CLCN2: variants seen among roughly 807,000 people sequenced by gnomAD.
CLCN2 encodes chloride channel protein 2.
CLCN2 carries 72 observed loss-of-function variants against 108.3 expected under a neutral mutation model. The ratio of observed to expected loss-of-function variants is 0.66; its 90% CI spans 0.55 to 0.81. The LOEUF (loss-of-function observed/expected upper bound fraction) is 0.81. CLCN2 is among the 30% of genes least tolerant of loss of function. The pLI, the probability that CLCN2 is intolerant of heterozygous loss-of-function variation, is 0.00. For missense variants in CLCN2, 1,048 were observed against 1,205.2 expected, an observed-to-expected ratio of 0.87 and a Z score of 1.93; for synonymous variants, 471 against 467.1, an observed-to-expected ratio of 1.01 and a Z score of -0.11.
In CLCN2 at chr3:184,361,585, G is replaced by T; in HGVS notation, c.-106C>A. 1 of 1,271,658 alleles carries T rather than the reference G, an allele frequency of 7.9e-7. No homozygotes were observed. The highest frequency in any genetic ancestry group is 2.0e-5 in the Admixed American group (1 of 49,646). The allele number at this position is 1,271,658 out of a possible 1,614,324, so 78.8% of individuals were successfully genotyped here. A position where few individuals can be genotyped will look rare whatever the true frequency, so the allele number is the denominator to read the frequency against. ...GGCAGCCGTCCCGTCCCCGCAGCCCGGGAGGCCGAGAGCAGAGTGCGGCGG... is the reference window on the plus strand; with the variant it reads ...GGCAGCCGTCCCGTCCCCGCAGCCCTGGAGGCCGAGAGCAGAGTGCGGCGG... On this transcript the variant is annotated 5_prime_UTR_variant, in exon 1 of 24. Transcript: ENST00000265593. This position sits in a 1 kb window ranked among gnomAD's most constrained non-coding sequence, Gnocchi z 6.6.
At chr3:184,358,604 T>C in intron 3 of CLCN2, 78 bp downstream of exon 3, 1 of 1,534,962 alleles carries the variant, frequency 6.5e-7, no homozygotes, top group Non-Finnish European at 8.8e-7. Flanking sequence ...CAAGACGCCT[T>C]CCTCCATGTC....
chr3:184,353,957 G>T, intron 15 of CLCN2, 144 bp downstream of exon 15: 1 of 1,338,752 alleles, frequency 7.5e-7, no homozygotes, highest in African/African-American at 1.5e-5. Context: ...GCAGGGGCCA[G>T]CTACAGCCCC....
chr3:184,359,004 T>C lies in CLCN2; in HGVS notation c.191A>G (p.Tyr64Cys). The C allele has an allele frequency of 2.5e-6, 4 of 1,613,580 alleles. No homozygotes were observed. The highest frequency in any genetic ancestry group is 3.4e-6 in the Non-Finnish European group (4 of 1,180,024). The change falls in exon 2 of 24, where the codon TAT becomes TGT. Residue 64 changes from tyrosine to cysteine, a missense_variant. Tyr to Cys is a radical substitution (Grantham distance 194). Transcript: ENST00000265593. ...SSRAAPELLE[Y>C]GRSRCARCRV... ...GCATCGGGCGCAACGGCTCCGTCCA[T>C]ATTCCAAGAGCTCTGGGGCAGCCCG...
chr3:184,355,787 G>A lies in CLCN2; in HGVS notation c.1086-9C>T, dbSNP rs761053381. The A allele has an allele frequency of 3.7e-6, 6 of 1,613,448 alleles. No homozygotes were observed. The highest frequency in any genetic ancestry group is 2.2e-5 in the East Asian group (1 of 44,892). ...CCGGGAAGAGCAGGCGTCTAGAGTC[G>A]TAGGTTTCACATCAGTCGTGGGTGG... On this transcript the variant is annotated splice_polypyrimidine_tract_variant and intron_variant, in intron 10 of 23. Transcript: ENST00000265593. This position sits in a 1 kb window ranked among gnomAD's most constrained non-coding sequence, Gnocchi z 6.3.
intron 1 of CLCN2, among the ~76,000 whole-genome samples, chr3:184,360,233 G>C (rs1463592923): frequency 6.6e-6 from 1 of 151,772 alleles, no homozygotes; most frequent in Non-Finnish European, 1.5e-5. Context: ...AAAGACAAAG[G>C]GATAGGATGG....
Position 184,357,847 on chromosome 3 carries a change from C to T in CLCN2, c.625G>A (p.Val209Met), listed in dbSNP as rs1231932098. Reference protein sequence around the residue: ...GMPLGKEGPFVHIASMCAALL... With the variant: ...GMPLGKEGPFMHIASMCAALL... ...GCAGCACACATGCTTGCGATATGCACAAAAGGGCCCTGCGGGGTGGGGCAG... is the reference window on the plus strand; with the variant it reads ...GCAGCACACATGCTTGCGATATGCATAAAAGGGCCCTGCGGGGTGGGGCAG... The change falls in exon 6 of 24, where the codon GTG becomes ATG. Residue 209 changes from valine (V) to methionine (M), a missense_variant. Val to Met is a conservative substitution (Grantham distance 21). Transcript: ENST00000265593. 2.5e-6 allele frequency: 4 copies of T among 1,613,848 alleles called. No individual in the cohort carries two copies. Among genetic ancestry groups the T allele is most frequent in the East Asian group, 2.2e-5 (1 of 44,890 alleles).
intron 10 of CLCN2, chr3:184,356,544 C>T (rs568408182): frequency 5.7e-6 from 1 of 174,674 alleles, no homozygotes; most frequent in South Asian, 1.2e-4. Flanking sequence ...GAGGCTGAGG[C>T]AGGAGAATCG....
At chr3:184,349,022 A>AC (rs1374790462) in intron 22 of CLCN2, 2 of 151,838 alleles carry the variant, frequency 1.3e-5, no homozygotes, top group Non-Finnish European at 2.9e-5. Flanking sequence ...GGCCCATGAG[A>AC]CCCTTCCCAA....
Position 184,352,434 on chromosome 3 carries a change from C to T in CLCN2, c.2271+9G>A. ...GCCGCCGAGATGCTAGAAGAGCAGG[C>T]ATACTTACTGCCAGGGAGATTCGGA... On this transcript the variant is annotated intron_variant, in intron 20 of 23. Transcript: ENST00000265593. The T allele has an allele frequency of 6.2e-7, 1 of 1,613,218 alleles. No homozygotes were observed. Among genetic ancestry groups the T allele is most frequent in the East Asian group, 2.2e-5 (1 of 44,854 alleles).
At chr3:184,350,334 G>A (rs1472233100) in intron 22 of CLCN2, among the ~76,000 whole-genome samples, 7 of 152,114 alleles carry the variant, frequency 4.6e-5, no homozygotes, top group African/African-American at 1.4e-4. Flanking sequence ...ACTCAGGCAC[G>A]TGACCTCCTC....
chr3:184,354,117 C>T lies in CLCN2; in HGVS notation c.1705G>A (p.Gly569Ser), dbSNP rs199889662. ...CCTCCGTACTGGTGGCGGCCCCAGC[C>T]GAGCTCAGGCAGGTAGGGCAGTTTC... is the stretch of plus-strand genomic sequence containing the variant. ...IKKLPYLPEL[G>S]WGRHQQYRVR... The change falls in exon 15 of 24, where the codon GGC becomes AGC. Residue 569 changes from glycine (G) to serine (S), a missense_variant. Physicochemically the swap from Gly to Ser is moderately conservative, Grantham distance 56. Transcript: ENST00000265593. The T allele has an allele frequency of 1.8e-5, 29 of 1,612,026 alleles. 1 individual carries two copies. In the East Asian group the frequency reaches 3.8e-4, roughly 21 times the overall value.
At chr3:184,348,522 T>C (rs1727864780) in intron 22 of CLCN2, 1 of 151,962 alleles carries the variant, frequency 6.6e-6, no homozygotes, top group South Asian at 2.1e-4. Context: ...TCTTCTGTGT[T>C]TCTTGAATAC....
In CLCN2 at chr3:184,355,577, G is replaced by C. The variant is rs1728487590; in HGVS notation, c.1171-48C>G. The C allele has an allele frequency of 6.2e-7, 1 of 1,612,406 alleles. No homozygotes were observed. The highest frequency in any genetic ancestry group is 8.5e-7 in the Non-Finnish European group (1 of 1,178,492). On this transcript the variant is annotated intron_variant, in intron 11 of 23. Transcript: ENST00000265593. The surrounding 1 kb of genome is among the most constrained non-coding windows in gnomAD (Gnocchi z 6.3). ...GGCTGGGAAACCGACAGGATGAAGG[G>C]AAGAGGCCATGGGATCCCACGGGGA...
At chr3:184,351,210 T>C (rs1728065426) in intron 22 of CLCN2, among the ~76,000 whole-genome samples, 1 of 152,170 alleles carries the variant, frequency 6.6e-6, no homozygotes, top group Admixed American at 6.5e-5. Context: ...ATCTACCTGC[T>C]GCTTATCCCC....
At chr3:184,360,032 A>C (rs1042306239) in intron 1 of CLCN2, among the ~76,000 whole-genome samples, 1 of 151,450 alleles carries the variant, frequency 6.6e-6, no homozygotes, top group African/African-American at 2.4e-5. Flanking sequence ...AGAGGGTGAG[A>C]GATAGGAAAG....
At chr3:184,359,549 C>G (rs942261533) in intron 1 of CLCN2, among the ~76,000 whole-genome samples, 1 of 152,142 alleles carries the variant, frequency 6.6e-6, no homozygotes, top group Admixed American at 6.5e-5. Flanking sequence ...TCGTGGAGCT[C>G]GGGGCAGCTG....
rs1728465394 is a variant in CLCN2, at chr3:184,355,340, G to C, written c.1326+34C>G. The C allele has an allele frequency of 3.7e-6, 6 of 1,612,194 alleles. No individual in the cohort carries two copies. The Admixed American group carries it at 5.0e-5, about 13-fold the overall frequency. ...GCAGGTGCTTAGAAGGGCAAGCTAT[G>C]TAAAGGTTAGCAGTGTACACGTGAG... On this transcript the variant is annotated intron_variant, in intron 12 of 23. Coordinates refer to ENST00000265593, the MANE Select transcript of CLCN2 (RefSeq NM_004366.6). The surrounding 1 kb of genome is among the most constrained non-coding windows in gnomAD (Gnocchi z 6.3).
At chr3:184,347,316 GAAC>G in intron 22 of CLCN2, 1 of 462,430 alleles carries the variant, frequency 2.2e-6, no homozygotes, top group Admixed American at 3.3e-5. Context: ...ACGTGGGACA[GAAC>G]AACTGTTCAC....
chr3:184,356,132 T>C, intron 10 of CLCN2: 1 of 351,054 alleles, frequency 2.8e-6, no homozygotes. Context: ...GTGGAGAAGT[T>C]TCTGCCTCTC....
Sources: gnomAD v4.1 joint callset for allele counts (sites outside exome capture counted in the v4.1 genomes callset) on GRCh38, gnomAD v4.1.1 for gene constraint, Gnocchi (gnomAD v3.1) non-coding constraint, MANE v1.5 for transcripts, NCBI Gene and HGNC (gene_info 2026-07-23, HGNC 2026-07-21) for gene names.